Variants in MDN1 observed in about 807,000 individuals in gnomAD.
MDN1 encodes midasin AAA ATPase 1.
Under a neutral mutation model 669.2 loss-of-function variants are expected in MDN1, and 266 were observed. The observed-to-expected ratio is 0.40, with a 90% CI of 0.36 to 0.44. The LOEUF is 0.44. Ranked by LOEUF, MDN1 falls within the 20% of genes least tolerant of loss-of-function variation. MDN1 has a pLI of 1.00. For synonymous variants in MDN1, 2,385 were observed against 2,457.1 expected (o/e 0.97, Z 0.87); for missense variants, 5,940 against 6,754.0 (o/e 0.88, Z 4.22).
Position 89,702,194 on chromosome 6 carries a change from A to G in MDN1, c.8149-133T>C, listed in dbSNP as rs564577040. 34 of 793,994 alleles carry G rather than the reference A, an allele frequency of 4.3e-5. 2 individuals carry two copies. The highest frequency in any genetic ancestry group is 3.7e-4 in the African/African-American group (21 of 56,912). 49.2% of individuals were successfully genotyped at this position (793,994 alleles called of 1,614,324 possible). ...ACACACAACATAGGCTATAATTGCT[A>G]ATCAATGCTCAATTTACATACACCA... On this transcript the variant is annotated intron_variant, in intron 53 of 101. Coordinates refer to ENST00000369393, the MANE Select transcript of MDN1 (RefSeq NM_014611.3).
rs200507634 is a variant in MDN1, at chr6:89,713,186, C to T, written c.7180G>A (p.Val2394Ile). ...GGTGAATGCTGGGAACAGACATATA[C>T]TTCCCAGCATGCTTCAGAAAAGGCT... ...DRAFSEACWE[V>I]YVCSQHSPAN... Residue 2394 changes from valine (V) to isoleucine (I), a missense_variant, in exon 47 of 102, where the codon GTA (valine) becomes ATA (isoleucine). Around this residue, in one of 5 missense-constraint regions of MDN1, gnomAD observed 2,292 missense variants for 2,638.3 expected, o/e 0.87. Coordinates refer to ENST00000369393, the MANE Select transcript of MDN1 (RefSeq NM_014611.3). The T allele has an allele frequency of 3.1e-6, 5 of 1,614,110 alleles. No homozygotes were observed. The highest frequency in any genetic ancestry group is 4.5e-5 in the East Asian group (2 of 44,872).
In MDN1 at chr6:89,655,972, A is replaced by G; in HGVS notation, c.15286-4T>C. 1 of 1,612,530 alleles carries G rather than the reference A, an allele frequency of 6.2e-7. No homozygotes were observed. The highest frequency in any genetic ancestry group is 8.5e-7 in the Non-Finnish European group (1 of 1,179,558). On this transcript the variant is annotated splice_polypyrimidine_tract_variant and splice_region_variant and intron_variant, in intron 91 of 101. Coordinates refer to ENST00000369393, the MANE Select transcript of MDN1 (RefSeq NM_014611.3). The stretch of plus-strand genomic sequence containing the variant: ...GCCCAGGTTTCCTCTTAAAACTCTG[A>G]GAAATACAAGGAAATTCATCAGAGC...
chr6:89,752,726 T>A (rs1817018349), intron 22 of MDN1, among the ~76,000 whole-genome samples: 1 of 152,158 alleles, frequency 6.6e-6, no homozygotes, highest in African/African-American at 2.4e-5. Flanking sequence ...GGTGTACCCA[T>A]CCAGTGAAAT....
intron 10 of MDN1, 92 bp from the exon 11 acceptor site, chr6:89,780,385 G>T: frequency 1.6e-6 from 1 of 636,668 alleles, no homozygotes; most frequent in East Asian, 3.2e-5. Context: ...ACTTAAGTCT[G>T]GGCATACCTG....
intron 39 of MDN1, 82 bp from the exon 40 acceptor site, chr6:89,723,225 A>G (rs1814966282): frequency 1.5e-6 from 2 of 1,363,766 alleles, no homozygotes; most frequent in Non-Finnish European, 2.0e-6. Context: ...GTACTACAAA[A>G]GCATATGTAA....
At chr6:89,699,528 C>T in intron 58 of MDN1, 73 bp downstream of exon 58, 1 of 1,486,798 alleles carries the variant, frequency 6.7e-7, no homozygotes, top group Non-Finnish European at 9.0e-7. Context: ...AAAATGTTTC[C>T]CAACCAGTCT....
chr6:89,764,277 A>C (rs1200994632), intron 15 of MDN1, among the ~76,000 whole-genome samples: 1 of 152,126 alleles, frequency 6.6e-6, no homozygotes, highest in Non-Finnish European at 1.5e-5. Context: ...CAAGACCCAC[A>C]AGATCTTACT....
intron 40 of MDN1, 28 bp from the exon 41 acceptor site, chr6:89,719,253 A>C (rs748085926): frequency 9.6e-6 from 15 of 1,558,690 alleles, no homozygotes; most frequent in Non-Finnish European, 1.3e-5. Flanking sequence ...TGCAATGAAA[A>C]CACAAATCAC....
chr6:89,736,931 T>C (rs565627138), intron 33 of MDN1, among the ~76,000 whole-genome samples: 1 of 152,318 alleles, frequency 6.6e-6, no homozygotes, highest in Non-Finnish European at 1.5e-5. Flanking sequence ...CCAGTATTAG[T>C]GGCATCACCT....
intron 84 of MDN1, among the ~76,000 whole-genome samples, chr6:89,665,152 C>A (rs1218998421): frequency 6.6e-6 from 1 of 152,026 alleles, no homozygotes; most frequent in Non-Finnish European, 1.5e-5. Flanking sequence ...CTCAGCCTCC[C>A]CAGTAGCTGG....
chr6:89,740,900 C>T (rs2180141), intron 31 of MDN1, among the ~76,000 whole-genome samples: 6,581 of 152,240 alleles, frequency 0.043, 657 homozygotes, highest in East Asian at 0.39. Context: ...TAGTGTAATG[C>T]ACACAAAGGA....
At position 89,658,274 on chromosome 6, in the gene MDN1, TC is replaced by T; in HGVS notation, c.15117del (p.Asn5040ThrfsTer82). 6.2e-7 allele frequency: 1 copy of T among 1,614,220 alleles called. No individual in the cohort carries two copies. The highest frequency in any genetic ancestry group is 8.5e-7 in the Non-Finnish European group (1 of 1,180,048). ...TCCATGGCCTGTGTGTTCTGCATGTTCTCCACACCAGTCTGCCCACAGGAGG... is the reference window on the plus strand; with the variant it reads ...TCCATGGCCTGTGTGTTCTGCATGTTTCCACACCAGTCTGCCCACAGGAGG... ...EHASCGQTGV[E>X]NMQNTQAMEL... On this transcript the variant is annotated frameshift_variant, in exon 90 of 102. Coordinates refer to ENST00000369393, the MANE Select transcript of MDN1 (RefSeq NM_014611.3). LOFTEE classifies it high-confidence loss of function.
At chr6:89,684,753 T>G in intron 71 of MDN1, 123 bp downstream of exon 71, 1 of 592,818 alleles carries the variant, frequency 1.7e-6, no homozygotes, top group South Asian at 2.3e-5. Flanking sequence ...TCCCTAGCGG[T>G]GGCAATGCTC....
At position 89,749,746 on chromosome 6, in the gene MDN1, G is replaced by C; in HGVS notation, c.3412C>G (p.Leu1138Val). The change falls in exon 25 of 102, where the codon CTT becomes GTT. Residue 1138 changes from leucine (L) to valine (V), a missense_variant. Around this residue, in one of 5 missense-constraint regions of MDN1, gnomAD observed 2,292 missense variants for 2,638.3 expected, o/e 0.87. Coordinates refer to ENST00000369393, the MANE Select transcript of MDN1 (RefSeq NM_014611.3). ...TAGCCTTTTCTCATGGCATCAATAA[G>C]AACACCTAGGAAGAAACAAACAGCA... is the stretch of plus-strand genomic sequence containing the variant. ...SGKLVFKEGVLIDAMRKGYWI... is the reference protein window; with the variant it reads ...SGKLVFKEGVVIDAMRKGYWI... 6.2e-7 allele frequency: 1 copy of C among 1,603,510 alleles called. No individual in the cohort carries two copies. The highest frequency in any genetic ancestry group is 8.5e-7 in the Non-Finnish European group (1 of 1,170,478).
At chr6:89,671,393 G>A (rs1375587078) in intron 82 of MDN1, among the ~76,000 whole-genome samples, 2 of 152,178 alleles carry the variant, frequency 1.3e-5, no homozygotes, top group African/African-American at 4.8e-5. Context: ...CCAGCACTTT[G>A]GGAGGCCAAA....
At chr6:89,805,623 T>C (rs1167982773) in intron 1 of MDN1, among the ~76,000 whole-genome samples, 1 of 152,146 alleles carries the variant, frequency 6.6e-6, no homozygotes, top group Non-Finnish European at 1.5e-5. Flanking sequence ...AGCATAAATG[T>C]CATACGCAAA....
At chr6:89,651,483 G>T (rs537113617) in intron 95 of MDN1, among the ~76,000 whole-genome samples, 29 of 152,086 alleles carry the variant, frequency 1.9e-4, no homozygotes, top group Non-Finnish European at 4.3e-4. Flanking sequence ...GGGCGTGGTG[G>T]CAAGTGCCTG....
chr6:89,810,534 C>T (rs1385574195), intron 1 of MDN1, among the ~76,000 whole-genome samples: 1 of 152,160 alleles, frequency 6.6e-6, no homozygotes, highest in Non-Finnish European at 1.5e-5. Context: ...GTCAGCAAGG[C>T]CATATTCCTT....
intron 12 of MDN1, among the ~76,000 whole-genome samples, 154 bp downstream of exon 12, chr6:89,776,446 G>A (rs1473500569): frequency 1.3e-5 from 2 of 152,170 alleles, no homozygotes; most frequent in Non-Finnish European, 2.9e-5. Context: ...TTTGGGAGTT[G>A]TATGCCCACG....
Sources: gnomAD v4.1 joint callset for allele counts (sites outside exome capture counted in the v4.1 genomes callset) on GRCh38, gnomAD v4.1.1 for gene constraint, gnomAD v4.1.1 regional missense constraint, MANE v1.5 for transcripts, NCBI Gene and HGNC (gene_info 2026-07-23, HGNC 2026-07-21) for gene names.